Variants in CHD7 observed in about 807,000 individuals in gnomAD.
The protein encoded by CHD7 is ATP-dependent chromatin remodeler CHD7.
A neutral mutation model predicts 307.3 loss-of-function variants in CHD7; 24 were observed. The observed-to-expected ratio is 0.08, with a 90% CI of 0.06 to 0.11. The LOEUF (loss-of-function observed/expected upper bound fraction) is 0.11, where lower values mean the gene tolerates loss of function less well. Ranked by LOEUF, CHD7 falls within the 10% of genes least tolerant of loss-of-function variation. CHD7 has a pLI of 1.00. For synonymous variants in CHD7, 1,363 were observed against 1,349.9 expected, an observed-to-expected ratio of 1.01 and a Z score of -0.21; for missense variants, 3,106 against 3,727.1, an observed-to-expected ratio of 0.83 and a Z score of 4.34.
At chr8:60,689,277 A>G (rs183079827) in intron 1 of CHD7, among the ~76,000 whole-genome samples, 97 of 152,348 alleles carry the variant, frequency 6.4e-4, no homozygotes, top group African/African-American at 2.1e-3. Context: ...CAAAAGTTTT[A>G]AAAGAACAGT....
intron 2 of CHD7, 54 bp downstream of exon 2, chr8:60,743,151 A>G (rs1232483373): frequency 2.0e-6 from 3 of 1,472,458 alleles, no homozygotes; most frequent in African/African-American, 1.4e-5. Flanking sequence ...CAACATGGCT[A>G]ACTTGTCTGA....
At chr8:60,700,194 A>T (rs1410153337) in intron 1 of CHD7, among the ~76,000 whole-genome samples, 1 of 152,194 alleles carries the variant, frequency 6.6e-6, no homozygotes, top group Non-Finnish European at 1.5e-5. Flanking sequence ...ATTTTAGAAG[A>T]TCATTATGAA....
chr8:60,695,745 A>G (rs1490612190), intron 1 of CHD7, among the ~76,000 whole-genome samples: 1 of 152,140 alleles, frequency 6.6e-6, no homozygotes, highest in Non-Finnish European at 1.5e-5. Flanking sequence ...AAAATTTCCA[A>G]ATTATGGAAT....
chr8:60,684,181 T>A (rs897966442), intron 1 of CHD7, among the ~76,000 whole-genome samples: 2 of 152,186 alleles, frequency 1.3e-5, no homozygotes, highest in Admixed American at 1.3e-4. Flanking sequence ...AAACTTAACT[T>A]GTCAGTAAAG....
At chr8:60,789,519 A>G (rs1329584924) in intron 3 of CHD7, among the ~76,000 whole-genome samples, 3 of 152,222 alleles carry the variant, frequency 2.0e-5, no homozygotes, top group African/African-American at 7.2e-5. Context: ...CCCATTGTCC[A>G]GACATTCTCA....
At chr8:60,860,786 G>C (rs1805933017) in intron 34 of CHD7, 118 bp from the exon 35 acceptor site, 1 of 795,056 alleles carries the variant, frequency 1.3e-6, no homozygotes. Flanking sequence ...ATTGTTTCTA[G>C]TAACTATTTT....
Position 60,867,605 on chromosome 8 carries a change from C to T in CHD7, c.*1672C>T, listed in dbSNP as rs1159369644. 1.3e-5 allele frequency: 2 copies of T among 152,220 alleles called. No homozygotes were observed. The highest frequency in any genetic ancestry group is 2.4e-5 in the African/African-American group (1 of 41,438). 9.4% of individuals were successfully genotyped at this position (152,220 alleles called of 1,614,324 possible). A position where few individuals can be genotyped will look rare whatever the true frequency, so the allele number is the denominator to read the frequency against. On this transcript the variant is annotated 3_prime_UTR_variant, in exon 38 of 38. Transcript: ENST00000423902. ...GGAAGGGATGTGGACGAGAGTGTTT[C>T]GTGTGTGTTGCCTTCCTCCACACCC...
intron 2 of CHD7, among the ~76,000 whole-genome samples, chr8:60,769,168 TCTAA>T (rs1317817387): frequency 1.1e-4 from 16 of 152,224 alleles, no homozygotes; most frequent in African/African-American, 3.4e-4. Flanking sequence ...GTTTAAGAAC[TCTAA>T]CTAAGGCTGC....
At position 60,850,632 on chromosome 8, in the gene CHD7, A is replaced by G; in HGVS notation, c.5534+10A>G. The G allele has an allele frequency of 6.2e-7, 1 of 1,604,336 alleles. No individual in the cohort carries two copies. The highest frequency in any genetic ancestry group is 8.5e-7 in the Non-Finnish European group (1 of 1,175,052). ...CAGATGGTGGTGACGGGTAAGAAGG[A>G]CATTTTAAAATTTGAATAAACTTTA... On this transcript the variant is annotated intron_variant, in intron 26 of 37. Transcript: ENST00000423902.
intron 21 of CHD7, among the ~76,000 whole-genome samples, chr8:60,842,638 G>A (rs1045446933): frequency 6.6e-6 from 1 of 152,102 alleles, no homozygotes; most frequent in African/African-American, 2.4e-5. Context: ...GTAAATATCT[G>A]AATTGGTCAA....
chr8:60,743,022 A>G lies in CHD7; in HGVS notation c.1590A>G (p.Pro530=). ...GCTTGCACCACCAGTCTTCACCTCC[A>G]CACCCTCATCACCAGCCTTGGGCAC... ...HPGLHHQSSP[P]HPHHQPWAQL... is the part of the protein sequence containing the mutation. Residue 530 remains proline (P), a synonymous_variant, in exon 2 of 38, where the codon CCA becomes CCG. Coordinates refer to ENST00000423902, the MANE Select transcript of CHD7 (RefSeq NM_017780.4). 6.2e-7 allele frequency: 1 copy of G among 1,613,846 alleles called. No homozygotes were observed. Among genetic ancestry groups the G allele is most frequent in the Non-Finnish European group, 8.5e-7 (1 of 1,179,858 alleles).
intron 21 of CHD7, 26 bp from the exon 22 acceptor site, chr8:60,844,838 C>T: frequency 6.4e-7 from 1 of 1,556,792 alleles, no homozygotes; most frequent in Non-Finnish European, 8.7e-7. Flanking sequence ...ACAGGCACCT[C>T]TGCATGCTGG....
chr8:60,689,739 T>C (rs191182297), intron 1 of CHD7, among the ~76,000 whole-genome samples: 7 of 152,346 alleles, frequency 4.6e-5, no homozygotes, highest in African/African-American at 1.4e-4. Flanking sequence ...TTGTATCTTA[T>C]CAATGGCAGA....
intron 1 of CHD7, among the ~76,000 whole-genome samples, chr8:60,733,597 A>G (rs1023342649): frequency 5.9e-5 from 9 of 152,202 alleles, no homozygotes; most frequent in African/African-American, 2.2e-4. Context: ...ACAAATTTTC[A>G]TGATCCTTGT....
intron 1 of CHD7, among the ~76,000 whole-genome samples, chr8:60,711,777 A>G (rs1464486555): frequency 6.6e-6 from 1 of 152,270 alleles, no homozygotes; most frequent in Non-Finnish European, 1.5e-5. Context: ...GTGAGGTATT[A>G]GGAAGGCAAT....
intron 21 of CHD7, among the ~76,000 whole-genome samples, chr8:60,844,009 C>A (rs886624282): frequency 2.0e-5 from 3 of 152,228 alleles, no homozygotes; most frequent in Non-Finnish European, 2.9e-5. Context: ...AACTCTCAGT[C>A]TGCAGCAGAG....
chr8:60,774,195 G>A (rs1467976258), intron 2 of CHD7, among the ~76,000 whole-genome samples: 3 of 152,156 alleles, frequency 2.0e-5, no homozygotes, highest in Non-Finnish European at 2.9e-5. Context: ...TGTGGATTTT[G>A]TAGCAGAGCT....
intron 5 of CHD7, 49 bp downstream of exon 5, chr8:60,800,574 A>ACTG (rs764741492): frequency 1.2e-5 from 5 of 405,588 alleles, no homozygotes; most frequent in South Asian, 5.4e-5. Flanking sequence ...AAGATGGACT[A>ACTG]GAAATTTCAT....
At chr8:60,801,616 A>C (rs1430632257) in intron 6 of CHD7, 23 bp downstream of exon 6, 1 of 1,521,878 alleles carries the variant, frequency 6.6e-7, no homozygotes, top group Admixed American at 1.9e-5. Flanking sequence ...GGAGCCATTA[A>C]AATCTGTGAG....
Sources: allele counts gnomAD v4.1 joint callset (sites outside exome capture counted in the v4.1 genomes callset), GRCh38; gene constraint gnomAD v4.1.1; transcripts MANE v1.5; gene names NCBI Gene and HGNC (gene_info 2026-07-23, HGNC 2026-07-21).